The following FIG4 variants were observed in gnomAD, a reference collection of about 807,000 sequenced individuals.
FIG4 encodes the protein polyphosphoinositide phosphatase.
A neutral mutation model predicts 118.6 loss-of-function variants in FIG4; 112 were observed. That is an observed-to-expected ratio of 0.94 (90% CI 0.81 to 1.11). The LOEUF (loss-of-function observed/expected upper bound fraction) is 1.11, where lower values mean the gene tolerates loss of function less well. FIG4 is among the 50% of genes least tolerant of loss of function. FIG4 has a pLI of 0.00. For synonymous variants in FIG4, 369 were observed against 381.2 expected (o/e 0.97, Z 0.37); for missense variants, 969 against 1,111.7 (o/e 0.87, Z 1.83).
chr6:109,786,138 C>A, intron 17 of FIG4, 164 bp from the exon 18 acceptor site: 1 of 624,572 alleles, frequency 1.6e-6, no homozygotes. Context: ...TATCTCATCT[C>A]CTTTCTAACT....
At chr6:109,757,393 A>G (rs1031879125) in intron 10 of FIG4, among the ~76,000 whole-genome samples, 7 of 152,230 alleles carry the variant, frequency 4.6e-5, no homozygotes, top group African/African-American at 1.7e-4. Flanking sequence ...AGATGCAGAA[A>G]AGGCCTGCAA....
chr6:109,801,565 A>C (rs892310123), intron 22 of FIG4, among the ~76,000 whole-genome samples: 2 of 152,082 alleles, frequency 1.3e-5, no homozygotes, highest in Non-Finnish European at 2.9e-5. Context: ...TAATAATAAT[A>C]AGTGCGCTTA....
intron 22 of FIG4, among the ~76,000 whole-genome samples, chr6:109,805,547 A>G (rs1258440146): frequency 1.3e-5 from 2 of 152,272 alleles, no homozygotes; most frequent in East Asian, 3.9e-4. Flanking sequence ...TCTTTATAAG[A>G]TGGTTTTACA....
In FIG4 at chr6:109,727,140, T is replaced by G. The variant is rs372854425; in HGVS notation, c.321T>G (p.Ile107Met). ...GFVRFLEGYY[I>M]VLITKRRKMA... ...TCAGGTTCTTAGAAGGCTATTATATTGTGTTAATAACTAAAAGGAGGAAGA... is the reference window on the plus strand; with the variant it reads ...TCAGGTTCTTAGAAGGCTATTATATGGTGTTAATAACTAAAAGGAGGAAGA... The change falls in exon 4 of 23, where the codon ATT (isoleucine) becomes ATG (methionine). Residue 107 changes from isoleucine to methionine, a missense_variant. Around this residue, in one of 3 missense-constraint regions of FIG4, gnomAD observed 393 missense variants for 409.4 expected, o/e 0.96. Transcript: ENST00000230124. 27 of 1,611,432 alleles carry G rather than the reference T, an allele frequency of 1.7e-5. No homozygotes were observed. Among genetic ancestry groups the G allele is most frequent in the Non-Finnish European group, 2.3e-5 (27 of 1,177,668 alleles).
intron 18 of FIG4, among the ~76,000 whole-genome samples, chr6:109,788,424 A>G (rs1246338437): frequency 6.6e-6 from 1 of 152,244 alleles, no homozygotes; most frequent in Non-Finnish European, 1.5e-5. Context: ...TGTGAAAAAC[A>G]TGGTGTCAAA....
chr6:109,741,256 T>G (rs1776314551), intron 7 of FIG4, among the ~76,000 whole-genome samples, 188 bp from the exon 8 acceptor site: 1 of 152,164 alleles, frequency 6.6e-6, no homozygotes, highest in Non-Finnish European at 1.5e-5. Context: ...GATATTGCCT[T>G]CCCTTTGTAG....
chr6:109,782,821 A>T (rs972914981), intron 16 of FIG4, among the ~76,000 whole-genome samples: 1 of 152,204 alleles, frequency 6.6e-6, no homozygotes, highest in African/African-American at 2.4e-5. Context: ...TTGTGAATAG[A>T]TGTGAATTCA....
chr6:109,804,363 T>G (rs1442365873), intron 22 of FIG4, among the ~76,000 whole-genome samples: 1 of 152,178 alleles, frequency 6.6e-6, no homozygotes, highest in Non-Finnish European at 1.5e-5. Flanking sequence ...CGTGGCTTCC[T>G]GACAACCATT....
intron 10 of FIG4, among the ~76,000 whole-genome samples, chr6:109,758,773 A>G (rs1777003600): frequency 6.6e-6 from 1 of 152,198 alleles, no homozygotes; most frequent in Non-Finnish European, 1.5e-5. Context: ...AAAATACCCC[A>G]TCAAAAAGTA....
At chr6:109,751,680 A>G (rs1051651068) in intron 10 of FIG4, among the ~76,000 whole-genome samples, 2 of 151,936 alleles carry the variant, frequency 1.3e-5, no homozygotes, top group Non-Finnish European at 2.9e-5. Context: ...TATTTCTTCT[A>G]GATTTTCTAG....
At chr6:109,792,717 T>G in intron 21 of FIG4, 53 bp downstream of exon 21, 1 of 935,372 alleles carries the variant, frequency 1.1e-6, no homozygotes, top group Non-Finnish European at 1.7e-6. Context: ...ATAATTACAG[T>G]AACTTCTAAC....
chr6:109,786,025 G>T, intron 17 of FIG4: 2 of 434,998 alleles, frequency 4.6e-6, no homozygotes, highest in South Asian at 5.5e-5. Context: ...GGAATTTAAA[G>T]AACCTCCTCT....
At chr6:109,791,041 C>T (rs1327327778) in intron 19 of FIG4, among the ~76,000 whole-genome samples, 3 of 152,180 alleles carry the variant, frequency 2.0e-5, no homozygotes, top group East Asian at 1.9e-4. Flanking sequence ...CCCAAACATA[C>T]AGTCTTCTAT....
chr6:109,715,251 T>G, intron 2 of FIG4, 75 bp downstream of exon 2: 1 of 732,700 alleles, frequency 1.4e-6, no homozygotes, highest in Non-Finnish European at 2.4e-6. Context: ...ATCCTTACAG[T>G]TTTTAGTGAT....
At chr6:109,697,265 A>AG in intron 1 of FIG4, among the ~76,000 whole-genome samples, 1 of 151,464 alleles carries the variant, frequency 6.6e-6, no homozygotes, top group Admixed American at 6.6e-5. Flanking sequence ...CTGTCTCAAA[A>AG]AAAAAAAAAA....
At chr6:109,771,612 G>T (rs1363321922) in intron 15 of FIG4, among the ~76,000 whole-genome samples, 1 of 151,910 alleles carries the variant, frequency 6.6e-6, no homozygotes, top group Non-Finnish European at 1.5e-5. Flanking sequence ...GGGACTACAG[G>T]TGCCTGCCAC....
intron 22 of FIG4, among the ~76,000 whole-genome samples, chr6:109,805,991 A>G (rs922113142): frequency 9.8e-5 from 15 of 152,312 alleles, no homozygotes; most frequent in African/African-American, 3.4e-4. Context: ...ACAGATAGAA[A>G]AAAACAAAAA....
intron 6 of FIG4, among the ~76,000 whole-genome samples, chr6:109,737,511 A>G (rs1011661779): frequency 6.6e-6 from 1 of 152,126 alleles, no homozygotes; most frequent in Non-Finnish European, 1.5e-5. Flanking sequence ...TTATGAATCA[A>G]ATCTAAGTGT....
intron 3 of FIG4, 41 bp downstream of exon 3, chr6:109,716,609 G>C: frequency 6.2e-7 from 1 of 1,611,122 alleles, no homozygotes; most frequent in Middle Eastern, 1.7e-4. Flanking sequence ...CTTGTTTTTT[G>C]TTTTTGTCTT....
Sources: allele counts gnomAD v4.1 joint callset (sites outside exome capture counted in the v4.1 genomes callset), GRCh38; gene constraint gnomAD v4.1.1; regional missense constraint gnomAD v4.1.1; transcripts MANE v1.5; gene names NCBI Gene and HGNC (gene_info 2026-07-23, HGNC 2026-07-21).